The following PRKN variants were observed in gnomAD, a reference collection of about 807,000 sequenced individuals.
PRKN encodes E3 ubiquitin-protein ligase parkin.
PRKN carries 56 observed loss-of-function variants against 59.5 expected under a neutral mutation model. The ratio of observed to expected loss-of-function variants is 0.94; its 90% CI spans 0.76 to 1.18. PRKN has a LOEUF of 1.18. Among genes scored for constraint, PRKN ranks in the 50% most tolerant of loss-of-function variants. The pLI is 0.00. For missense variants in PRKN, 657 were observed against 596.4 expected (o/e 1.10, Z -1.06); for synonymous variants, 250 against 222.1 (o/e 1.13, Z -1.12).
At chr6:161,877,797 T>C (rs1261491043) in intron 6 of PRKN, among the ~76,000 whole-genome samples, 1 of 152,028 alleles carries the variant, frequency 6.6e-6, no homozygotes, top group Non-Finnish European at 1.5e-5. Flanking sequence ...GAGCTTTAGT[T>C]AAGAGTGACC....
At chr6:162,319,075 T>C (rs1012964009) in intron 2 of PRKN, among the ~76,000 whole-genome samples, 15 of 152,012 alleles carry the variant, frequency 9.9e-5, no homozygotes, top group African/African-American at 3.6e-4. Flanking sequence ...GTCTTCATCC[T>C]TGGCACTCAA....
At chr6:162,677,665 G>A (rs1013374546) in intron 1 of PRKN, among the ~76,000 whole-genome samples, 14 of 152,024 alleles carry the variant, frequency 9.2e-5, no homozygotes, top group African/African-American at 2.7e-4. Context: ...CTAGTCTGTC[G>A]ATTGCTAGTA....
intron 6 of PRKN, among the ~76,000 whole-genome samples, chr6:161,862,524 T>A (rs1269490395): frequency 1.3e-5 from 2 of 152,096 alleles, no homozygotes. Flanking sequence ...GAGTAATTAA[T>A]GAATGGACTA....
intron 6 of PRKN, among the ~76,000 whole-genome samples, chr6:161,954,946 A>T (rs1050329497): frequency 2.0e-5 from 3 of 152,200 alleles, no homozygotes; most frequent in Admixed American, 1.3e-4. Context: ...CCATGGCTCA[A>T]TGTGAAAGGC....
chr6:162,362,398 T>C (rs775146804), intron 2 of PRKN, among the ~76,000 whole-genome samples: 3 of 152,186 alleles, frequency 2.0e-5, no homozygotes, highest in Non-Finnish European at 4.4e-5. Flanking sequence ...TAGTTACCTA[T>C]CTTTAAAAAA....
chr6:162,601,281 A>AT (rs1298034095), intron 1 of PRKN, among the ~76,000 whole-genome samples: 36 of 152,316 alleles, frequency 2.4e-4, no homozygotes, highest in Non-Finnish European at 2.2e-4. Flanking sequence ...CCTACAGTCA[A>AT]TATATGAATT....
At chr6:162,338,900 C>T (rs1336934984) in intron 2 of PRKN, among the ~76,000 whole-genome samples, 4 of 150,090 alleles carry the variant, frequency 2.7e-5, no homozygotes, top group South Asian at 2.1e-4. Context: ...GCCTCTGCCC[C>T]GCCGCCCCAT....
At chr6:162,567,242 TCAA>T (rs1203152638) in intron 1 of PRKN, among the ~76,000 whole-genome samples, 3 of 152,180 alleles carry the variant, frequency 2.0e-5, no homozygotes, top group Non-Finnish European at 4.4e-5. Flanking sequence ...CCACTGTTAT[TCAA>T]CATAGTACTG....
intron 4 of PRKN, among the ~76,000 whole-genome samples, chr6:162,087,589 CTTTTTTTTT>C (rs35184111): frequency 1.1e-4 from 11 of 102,692 alleles, no homozygotes; most frequent in Admixed American, 9.7e-4. Flanking sequence ...AGAATAATTT[CTTTTTTTTT>C]TTTTTTTTTT....
At chr6:162,687,320 G>C (rs1777604216) in intron 1 of PRKN, among the ~76,000 whole-genome samples, 1 of 151,668 alleles carries the variant, frequency 6.6e-6, no homozygotes, top group Admixed American at 6.6e-5. Context: ...CGAGTAGCTG[G>C]GACTACAGGT....
In PRKN at chr6:161,409,055, C is replaced by T. The variant is rs148058876; in HGVS notation, c.1084-22178G>A. Among the ~76,000 whole-genome samples the T allele has an allele frequency of 1.3e-3, 193 of 152,244 alleles. 4 individuals carry two copies. In the East Asian group the frequency reaches 0.025, roughly 20 times the overall value. ...CTGCCTCCTGGGTTCAAGCGATTCTCCTGCCTCAGCCTCCCAAGTAACTAG... is the reference window on the plus strand; with the variant it reads ...CTGCCTCCTGGGTTCAAGCGATTCTTCTGCCTCAGCCTCCCAAGTAACTAG... On this transcript the variant is annotated intron_variant, in intron 9 of 11. Coordinates refer to ENST00000366898, the MANE Select transcript of PRKN (RefSeq NM_004562.3). The surrounding 1 kb of genome is among the most constrained non-coding windows in gnomAD (Gnocchi z 4.6).
Position 161,679,682 on chromosome 6 carries a change from C to A in PRKN, c.871+106090G>T, listed in dbSNP as rs1208860793. On this transcript the variant is annotated intron_variant, in intron 7 of 11. Coordinates refer to ENST00000366898, the MANE Select transcript of PRKN (RefSeq NM_004562.3). ...TGGTTTATAATAGAACCACCCCCCCCCCTTTTTTTTTTTTAAGAAACAGGA... is the reference window on the plus strand; with the variant it reads ...TGGTTTATAATAGAACCACCCCCCCACCTTTTTTTTTTTTAAGAAACAGGA... Among the ~76,000 whole-genome samples the A allele has an allele frequency of 8.9e-5, 12 of 134,220 alleles. 1 individual carries two copies. Among genetic ancestry groups the A allele is most frequent in the Admixed American group, 5.1e-4 (7 of 13,832 alleles). 88.1% of individuals were successfully genotyped at this position (134,220 alleles called of 152,430 possible).
At chr6:161,537,751 T>A (rs1017850950) in intron 9 of PRKN, among the ~76,000 whole-genome samples, 3 of 152,216 alleles carry the variant, frequency 2.0e-5, no homozygotes, top group Non-Finnish European at 4.4e-5. Context: ...GCGCCCGGCC[T>A]CAAATTCTTA....
chr6:161,593,097 C>T lies in PRKN; in HGVS notation c.872-23681G>A, dbSNP rs994305380. ...CCGCTGCTGTTAACATCCTACATAA[C>T]CAGGCCATCTTCCCATAATCCTCTA... On this transcript the variant is annotated intron_variant, in intron 7 of 11. Transcript: ENST00000366898. The surrounding 1 kb of genome is among the most constrained non-coding windows in gnomAD (Gnocchi z 4.8). 1.3e-5 allele frequency among the ~76,000 whole-genome samples: 2 copies of T among 152,220 alleles called. No homozygotes were observed. The highest frequency in any genetic ancestry group is 6.5e-5 in the Admixed American group (1 of 15,288).
intron 6 of PRKN, among the ~76,000 whole-genome samples, chr6:161,786,400 T>C (rs143182478): frequency 4.3e-4 from 66 of 152,262 alleles, no homozygotes; most frequent in Non-Finnish European, 7.6e-4. Context: ...TTTTAAAAAT[T>C]TAAATCTTTA....
chr6:161,958,835 A>G (rs1780275987), intron 6 of PRKN, among the ~76,000 whole-genome samples: 1 of 151,746 alleles, frequency 6.6e-6, no homozygotes, highest in Admixed American at 6.6e-5. Flanking sequence ...AGCTGAGATC[A>G]TGCCATTGAC....
Position 161,349,335 on chromosome 6 carries a change from C to T in PRKN, c.*764G>A, listed in dbSNP as rs1784434444. 1 of 229,386 alleles carries T rather than the reference C, an allele frequency of 4.4e-6. No individual in the cohort carries two copies. Among genetic ancestry groups the T allele is most frequent in the African/African-American group, 2.2e-5 (1 of 45,128 alleles). The allele number at this position is 229,386 out of a possible 1,614,324, so 14.2% of individuals were successfully genotyped here. On this transcript the variant is annotated 3_prime_UTR_variant, in exon 12 of 12. Transcript: ENST00000366898. The surrounding 1 kb of genome is among the most constrained non-coding windows in gnomAD (Gnocchi z 5.5). ...GAAAAACAATTTCTTTCTAAAGTTG[C>T]AAATCATGAAAGGGAATGAAAGTAC... is the stretch of plus-strand genomic sequence containing the variant.
At chr6:161,875,846 C>A (rs975046411) in intron 6 of PRKN, among the ~76,000 whole-genome samples, 10 of 152,114 alleles carry the variant, frequency 6.6e-5, no homozygotes, top group African/African-American at 2.4e-4. Context: ...ATCCTCCCCT[C>A]ACTGGCATCC....
chr6:162,441,235 G>A (rs1583577115), intron 2 of PRKN, among the ~76,000 whole-genome samples: 2 of 152,032 alleles, frequency 1.3e-5, no homozygotes, highest in East Asian at 3.9e-4. Flanking sequence ...TCTATGGCAT[G>A]ACATTTTTCT....
Sources: gnomAD v4.1 joint callset for allele counts (sites outside exome capture counted in the v4.1 genomes callset) on GRCh38, gnomAD v4.1.1 for gene constraint, Gnocchi (gnomAD v3.1) non-coding constraint, MANE v1.5 for transcripts, NCBI Gene and HGNC (gene_info 2026-07-23, HGNC 2026-07-21) for gene names.